DPY19L4: variants seen among roughly 807,000 people sequenced by gnomAD.
DPY19L4 encodes probable C-mannosyltransferase DPY19L4.
DPY19L4 carries 97 observed loss-of-function variants against 102.8 expected under a neutral mutation model. The ratio of observed to expected loss-of-function variants is 0.94; its 90% CI spans 0.80 to 1.12. DPY19L4 has a LOEUF of 1.12. Among genes scored for constraint, DPY19L4 ranks in the 50% most tolerant of loss-of-function variants. The pLI is 0.00. For missense variants in DPY19L4, 815 were observed against 850.4 expected, an observed-to-expected ratio of 0.96 and a Z score of 0.52; for synonymous variants, 252 against 283.1, an observed-to-expected ratio of 0.89 and a Z score of 1.10.
chr8:94,738,516 C>CTTTTTTT, intron 4 of DPY19L4, 57 bp downstream of exon 4: 1 of 779,688 alleles, frequency 1.3e-6, no homozygotes, highest in South Asian at 2.3e-5. Flanking sequence ...CTTTTCTTTT[C>CTTTTTTT]TTTTTTTTTT....
At position 94,719,979 on chromosome 8, in the gene DPY19L4, C is replaced by T. The variant is rs1810378635; in HGVS notation, c.-20C>T. 1 of 1,522,130 alleles carries T rather than the reference C, an allele frequency of 6.6e-7. No homozygotes were observed. Among genetic ancestry groups the T allele is most frequent in the African/African-American group, 1.4e-5 (1 of 69,900 alleles). 94.3% of individuals were successfully genotyped at this position (1,522,130 alleles called of 1,614,324 possible). On this transcript the variant is annotated 5_prime_UTR_variant, in exon 1 of 19. Transcript: ENST00000414645. ...TGGGCCGCGCGGGAGCCGCAGGGCGCCCTAGCCTTCGCAGAAACGATGGCG... is the reference window on the plus strand; with the variant it reads ...TGGGCCGCGCGGGAGCCGCAGGGCGTCCTAGCCTTCGCAGAAACGATGGCG...
At chr8:94,744,128 C>G (rs913730217) in intron 6 of DPY19L4, among the ~76,000 whole-genome samples, 1 of 152,158 alleles carries the variant, frequency 6.6e-6, no homozygotes, top group Non-Finnish European at 1.5e-5. Context: ...TTCGGTGGGT[C>G]AGGAATCCCA....
rs1813902039 is a variant in DPY19L4 at position 94,792,015 on chromosome 8, C to G, written c.*2105C>G. 1 of 152,050 alleles carries G rather than the reference C, an allele frequency of 6.6e-6. No homozygotes were observed. Among genetic ancestry groups the G allele is most frequent in the African/African-American group, 2.4e-5 (1 of 41,412 alleles). 9.4% of individuals were successfully genotyped at this position (152,050 alleles called of 1,614,324 possible). The stretch of plus-strand genomic sequence containing the variant: ...TAAGTGGAAAGCATTTAGTTTATTT[C>G]TTCACTTATTTGTAGAGTGAACAAA... On this transcript the variant is annotated 3_prime_UTR_variant, in exon 19 of 19. Transcript: ENST00000414645.
intron 2 of DPY19L4, among the ~76,000 whole-genome samples, chr8:94,731,916 C>G (rs1293727571): frequency 6.6e-6 from 1 of 151,926 alleles, no homozygotes; most frequent in East Asian, 1.9e-4. Context: ...TACAGGTGCC[C>G]GCCACCACAC....
chr8:94,788,471 G>A (rs1813751507), intron 18 of DPY19L4, among the ~76,000 whole-genome samples: 1 of 152,074 alleles, frequency 6.6e-6, no homozygotes, highest in Non-Finnish European at 1.5e-5. Context: ...TAGAAAAATT[G>A]CATGCTAAAT....
intron 8 of DPY19L4, among the ~76,000 whole-genome samples, chr8:94,764,192 C>T (rs1408903019): frequency 6.6e-6 from 1 of 152,066 alleles, no homozygotes; most frequent in East Asian, 1.9e-4. Context: ...AATAACAGGG[C>T]AAACTAAGTG....
At position 94,739,906 on chromosome 8, in the gene DPY19L4, A is replaced by G. The variant is rs1242094927; in HGVS notation, c.611+116A>G. 1.3e-5 allele frequency: 16 copies of G among 1,221,352 alleles called. 1 individual carries two copies. The highest frequency in any genetic ancestry group is 9.9e-5 in the South Asian group (7 of 70,654). 75.7% of individuals were successfully genotyped at this position (1,221,352 alleles called of 1,614,324 possible). On this transcript the variant is annotated intron_variant, in intron 6 of 18. Coordinates refer to ENST00000414645, the MANE Select transcript of DPY19L4 (RefSeq NM_181787.3). ...ACTCTAATCCTCAGAACCTATGAATATGATGAGATGCCATTCCCATGATTA... is the reference window on the plus strand; with the variant it reads ...ACTCTAATCCTCAGAACCTATGAATGTGATGAGATGCCATTCCCATGATTA...
intron 2 of DPY19L4, among the ~76,000 whole-genome samples, chr8:94,732,508 A>T (rs1563573960): frequency 6.6e-6 from 1 of 152,234 alleles, no homozygotes; most frequent in Non-Finnish European, 1.5e-5. Flanking sequence ...CCTGGGCAAC[A>T]TAGCAAGAAT....
At chr8:94,777,539 A>C in intron 13 of DPY19L4, 127 bp from the exon 14 acceptor site, 1 of 1,214,606 alleles carries the variant, frequency 8.2e-7, no homozygotes, top group Non-Finnish European at 1.1e-6. Context: ...TTAGAGTCTA[A>C]GCTTTTTCAC....
intron 17 of DPY19L4, among the ~76,000 whole-genome samples, chr8:94,787,362 C>T (rs1028857081): frequency 3.9e-5 from 6 of 151,986 alleles, no homozygotes; most frequent in African/African-American, 1.2e-4. Flanking sequence ...ATTCTGTGTG[C>T]CACAGAATGT....
At chr8:94,760,343 G>A (rs73697018) in intron 7 of DPY19L4, among the ~76,000 whole-genome samples, 5,197 of 152,224 alleles carry the variant, frequency 0.034, 292 homozygotes, top group African/African-American at 0.12. Flanking sequence ...ATGGTGTCTG[G>A]TTATTACAGT....
intron 15 of DPY19L4, 102 bp downstream of exon 15, chr8:94,780,517 A>G: frequency 1.4e-6 from 1 of 726,376 alleles, no homozygotes; most frequent in Non-Finnish European, 2.0e-6. Context: ...CACTATCCTA[A>G]CAAAATAAAA....
intron 1 of DPY19L4, among the ~76,000 whole-genome samples, chr8:94,723,799 G>A (rs2130779890): frequency 6.6e-6 from 1 of 152,124 alleles, no homozygotes; most frequent in Admixed American, 6.5e-5. Context: ...AACCTATTAA[G>A]TAGTATCTTC....
intron 7 of DPY19L4, among the ~76,000 whole-genome samples, chr8:94,756,434 C>T (rs1006616747): frequency 1.3e-5 from 2 of 152,044 alleles, no homozygotes; most frequent in South Asian, 2.1e-4. Context: ...AAAATCTGTT[C>T]CACTGTTATT....
intron 17 of DPY19L4, among the ~76,000 whole-genome samples, chr8:94,786,852 A>AT (rs1813677487): frequency 6.6e-6 from 1 of 152,160 alleles, no homozygotes; most frequent in Non-Finnish European, 1.5e-5. Flanking sequence ...CTGGCCAACC[A>AT]TATCATTTAA....
Position 94,784,690 on chromosome 8 carries a change from A to G in DPY19L4, c.1848+888A>G, listed in dbSNP as rs184361990. Among the ~76,000 whole-genome samples, 251 of 152,336 alleles carry G rather than the reference A, an allele frequency of 1.6e-3. 2 individuals carry two copies. Among genetic ancestry groups the G allele is most frequent in the African/African-American group, 5.7e-3 (239 of 41,580 alleles). On this transcript the variant is annotated intron_variant, in intron 17 of 18. Transcript: ENST00000414645. The stretch of plus-strand genomic sequence containing the variant: ...GGTGATCCACCTGCCTTGGCTTCCC[A>G]AAGTGCTGGGAATACAGGCGTGAGC...
chr8:94,749,110 C>A (rs190969638), intron 6 of DPY19L4, among the ~76,000 whole-genome samples: 2 of 151,770 alleles, frequency 1.3e-5, no homozygotes, highest in African/African-American at 4.9e-5. Context: ...TTCACTATCA[C>A]GAGAATAGCA....
intron 1 of DPY19L4, chr8:94,720,283 G>A (rs532168070): frequency 2.0e-6 from 2 of 983,472 alleles, no homozygotes; most frequent in Admixed American, 6.1e-5. Flanking sequence ...AAGCTGTGCC[G>A]GGAGTGGTTG....
intron 13 of DPY19L4, among the ~76,000 whole-genome samples, chr8:94,776,266 T>C (rs1374354991): frequency 6.6e-6 from 1 of 151,940 alleles, no homozygotes; most frequent in Non-Finnish European, 1.5e-5. Flanking sequence ...ACTCCTGACC[T>C]CAGGTGATCC....
Sources: allele counts gnomAD v4.1 joint callset (sites outside exome capture counted in the v4.1 genomes callset), GRCh38; gene constraint gnomAD v4.1.1; transcripts MANE v1.5; gene names NCBI Gene and HGNC (gene_info 2026-07-23, HGNC 2026-07-21).